The following DDX47 variants were observed in gnomAD, a reference collection of about 807,000 sequenced individuals.
DDX47 encodes the protein DEAD-box helicase 47, also known as probable ATP-dependent RNA helicase DDX47.
A neutral mutation model predicts 58.8 loss-of-function variants in DDX47; 60 were observed. The ratio of observed to expected loss-of-function variants is 1.02; its 90% confidence interval spans 0.83 to 1.26. DDX47 has a LOEUF of 1.26. DDX47 is among the 50% of genes most tolerant of loss of function. The pLI is 0.00. For synonymous variants in DDX47, 197 were observed against 204.6 expected, an observed-to-expected ratio of 0.96 and a Z score of 0.32; for missense variants, 530 against 573.2, an observed-to-expected ratio of 0.92 and a Z score of 0.77.
chr12:12,821,299 G>A lies in DDX47; in HGVS notation c.273G>A (p.Gln91=), dbSNP rs142921533. The part of the protein sequence containing the change: ...PILNALLETP[Q]RLFALVLTPT... ...TAAACGCACTGCTGGAGACCCCGCA[G>A]CGTTTGTTTGCCCTAGTTCTTACCC... Residue 91 remains glutamine (Q), a synonymous_variant, in exon 3 of 12, where the codon CAG becomes CAA. Coordinates refer to ENST00000358007, the MANE Select transcript of DDX47 (RefSeq NM_016355.4). 5.9e-5 allele frequency: 95 copies of A among 1,614,214 alleles called. No homozygotes were observed. The African/African-American group carries it at 1.1e-3, about 19-fold the overall frequency.
chr12:12,817,813 T>G (rs1862918454), intron 2 of DDX47, among the ~76,000 whole-genome samples: 1 of 152,160 alleles, frequency 6.6e-6, no homozygotes. Flanking sequence ...AGGGTTGCTG[T>G]GAGGGACTTA....
chr12:12,823,420 T>C, intron 7 of DDX47, 101 bp downstream of exon 7: 1 of 770,580 alleles, frequency 1.3e-6, no homozygotes, highest in Non-Finnish European at 2.3e-6. Context: ...GTAATGCAGA[T>C]TGGCATCCTG....
At chr12:12,827,671 T>C (rs1159224170) in intron 11 of DDX47, among the ~76,000 whole-genome samples, 3 of 152,174 alleles carry the variant, frequency 2.0e-5, no homozygotes, top group East Asian at 3.9e-4. Flanking sequence ...CTGTGAACTG[T>C]GTGAGCTTGG....
intron 11 of DDX47, 63 bp from the exon 12 acceptor site, chr12:12,829,359 AG>A: frequency 6.5e-7 from 1 of 1,541,170 alleles, no homozygotes; most frequent in Admixed American, 2.0e-5. Flanking sequence ...AGAGGGGACT[AG>A]AATGAGTAAC....
intron 8 of DDX47, 30 bp downstream of exon 8, chr12:12,824,046 C>G: frequency 6.2e-7 from 1 of 1,606,234 alleles, no homozygotes; most frequent in Non-Finnish European, 8.5e-7. Context: ...ATCAGCCATG[C>G]ACTGGTGGCG....
intron 2 of DDX47, 121 bp from the exon 3 acceptor site, chr12:12,821,087 C>T: frequency 2.0e-6 from 2 of 1,015,876 alleles, no homozygotes; most frequent in Non-Finnish European, 1.4e-6. Flanking sequence ...CAACTTTCCT[C>T]TCTCCCCAGT....
intron 11 of DDX47, among the ~76,000 whole-genome samples, chr12:12,828,316 T>C (rs2136427292): frequency 6.6e-6 from 1 of 152,276 alleles, no homozygotes; most frequent in Admixed American, 6.5e-5. Context: ...TTAAAAATAT[T>C]GTGTAAAATT....
At position 12,823,951 on chromosome 12, in the gene DDX47, A is replaced by G. The variant is rs1318845026; in HGVS notation, c.832A>G (p.Arg278Gly). ...CTGCAGCACCTGTAATAATACCCAG[A>G]GAACAGCTTTGCTACTGCGAAATCT... is the stretch of plus-strand genomic sequence containing the variant. ...IFCSTCNNTQ[R>G]TALLLRNLGF... The change falls in exon 8 of 12, where the codon AGA (arginine) becomes GGA (glycine). Residue 278 changes from arginine to glycine, a missense_variant. By Grantham distance (125) the Arg-to-Gly change is moderately radical. Coordinates refer to ENST00000358007, the MANE Select transcript of DDX47 (RefSeq NM_016355.4). The G allele has an allele frequency of 6.2e-7, 1 of 1,614,214 alleles. No individual in the cohort carries two copies. The highest frequency in any genetic ancestry group is 1.7e-5 in the Admixed American group (1 of 60,024).
intron 5 of DDX47, 122 bp downstream of exon 5, chr12:12,822,205 C>A: frequency 1.5e-6 from 1 of 648,194 alleles, no homozygotes; most frequent in Non-Finnish European, 2.7e-6. Context: ...TCTTGATATT[C>A]TTCAAATTGC....
intron 9 of DDX47, among the ~76,000 whole-genome samples, chr12:12,825,570 A>G (rs1348542192): frequency 1.3e-5 from 2 of 152,148 alleles, no homozygotes; most frequent in African/African-American, 4.8e-5. Context: ...TGATTTTCAT[A>G]ACAACTCTGT....
chr12:12,828,295 C>T (rs564986553), intron 11 of DDX47, among the ~76,000 whole-genome samples: 40 of 152,146 alleles, frequency 2.6e-4, no homozygotes, highest in Non-Finnish European at 4.7e-4. Flanking sequence ...TGTAAAATTA[C>T]CTTCAGACAA....
At chr12:12,823,738 C>A in intron 7 of DDX47, 132 bp from the exon 8 acceptor site, 1 of 865,372 alleles carries the variant, frequency 1.2e-6, no homozygotes, top group South Asian at 1.7e-5. Context: ...TTAAGGAATG[C>A]AAAGCTGGCA....
intron 11 of DDX47, among the ~76,000 whole-genome samples, chr12:12,827,763 G>T (rs1863074467): frequency 6.6e-6 from 1 of 151,720 alleles, no homozygotes; most frequent in South Asian, 2.1e-4. Flanking sequence ...ACCTTATGGG[G>T]TTTTATGAGC....
In DDX47 at chr12:12,823,265, C is replaced by A. The variant is rs1001312981; in HGVS notation, c.696C>A (p.Tyr232Ter). Residue 232 changes from tyrosine (Y) to a stop codon, truncating the protein, a stop_gained, in exon 7 of 12, where the codon TAC becomes TAA. Transcript: ENST00000358007. LOFTEE classifies it high-confidence loss of function. ...NPVKCAVSSKYQTVEKLQQYY... is the reference protein window; with the variant it reads ...NPVKCAVSSK ...TGAAATGTGCCGTTTCCTCTAAATA[C>A]CAGACAGTTGAAAAATTACAGCAAT... 1.2e-6 allele frequency: 2 copies of A among 1,613,544 alleles called. No homozygotes were observed. Among genetic ancestry groups the A allele is most frequent in the Non-Finnish European group, 1.7e-6 (2 of 1,179,464 alleles).
At chr12:12,824,710 C>T (rs1262138533) in intron 9 of DDX47, 33 bp downstream of exon 9, 1 of 1,602,048 alleles carries the variant, frequency 6.2e-7, no homozygotes, top group East Asian at 2.2e-5. Flanking sequence ...CTTTCTAGTC[C>T]TAAAGTGTAT....
chr12:12,822,602 G>A (rs1862990059), intron 5 of DDX47, 59 bp from the exon 6 acceptor site: 1 of 1,418,976 alleles, frequency 7.0e-7, no homozygotes, highest in South Asian at 1.2e-5. Flanking sequence ...CTACCTAGAG[G>A]ATTTGCAGCT....
Position 12,824,656 on chromosome 12 carries a change from T to C in DDX47, c.1014T>C (p.Phe338=), listed in dbSNP as rs1327344879. The C allele has an allele frequency of 5.6e-6, 9 of 1,614,192 alleles. No individual in the cohort carries two copies. Among genetic ancestry groups the C allele is most frequent in the Non-Finnish European group, 7.6e-6 (9 of 1,180,014 alleles). ...DIPHVDVVVN[F]DIPTHSKDYI... ...CTCATGTAGATGTGGTTGTCAACTTTGACATTCCTACCCATTCCAAGGTGA... is the reference window on the plus strand; with the variant it reads ...CTCATGTAGATGTGGTTGTCAACTTCGACATTCCTACCCATTCCAAGGTGA... Residue 338 remains phenylalanine, a synonymous_variant, in exon 9 of 12, where the codon TTT becomes TTC. Coordinates refer to ENST00000358007, the MANE Select transcript of DDX47 (RefSeq NM_016355.4).
chr12:12,829,615 G>T lies in DDX47; in HGVS notation c.*61G>T. On this transcript the variant is annotated 3_prime_UTR_variant, in exon 12 of 12. Transcript: ENST00000358007. ...AAAAGAGAATTGGAGAATGAAACCT[G>T]CTCCAACAGAGATCATGAGACTGAA... is the stretch of plus-strand genomic sequence containing the variant. The T allele has an allele frequency of 6.4e-7, 1 of 1,570,590 alleles. No homozygotes were observed. Among genetic ancestry groups the T allele is most frequent in the Non-Finnish European group, 8.7e-7 (1 of 1,155,866 alleles).
chr12:12,825,106 C>T (rs1283182574), intron 9 of DDX47: 1 of 154,262 alleles, frequency 6.5e-6, no homozygotes, highest in Non-Finnish European at 1.4e-5. Context: ...TCCCGAGTAG[C>T]TGGGACTACA....
Sources: gnomAD v4.1 joint callset for allele counts (sites outside exome capture counted in the v4.1 genomes callset) on GRCh38, gnomAD v4.1.1 for gene constraint, MANE v1.5 for transcripts, NCBI Gene and HGNC (gene_info 2026-07-23, HGNC 2026-07-21) for gene names.